The following TBKBP1 variants were observed in gnomAD, a reference collection of about 807,000 sequenced individuals.
The protein encoded by TBKBP1 is TBK1 binding protein 1.
TBKBP1 carries 47 observed loss-of-function variants against 69.9 expected under a neutral mutation model. The ratio of observed to expected loss-of-function variants is 0.67; its 90% CI spans 0.53 to 0.86. The LOEUF is 0.86. Ranked by LOEUF, TBKBP1 falls within the 40% of genes least tolerant of loss-of-function variation. The pLI is 0.00. For synonymous variants in TBKBP1, 418 were observed against 390.3 expected, an observed-to-expected ratio of 1.07 and a Z score of -0.84; for missense variants, 831 against 858.6, an observed-to-expected ratio of 0.97 and a Z score of 0.40.
At chr17:47,705,261 C>G (rs1197286472) in intron 7 of TBKBP1, among the ~76,000 whole-genome samples, 1 of 152,204 alleles carries the variant, frequency 6.6e-6, no homozygotes, top group Non-Finnish European at 1.5e-5. Flanking sequence ...AGCTCCCATC[C>G]CAGCAACTCC....
Position 47,710,839 on chromosome 17 carries a change from T to C in TBKBP1, c.*213T>C, listed in dbSNP as rs1327647018. 2 of 586,694 alleles carry C rather than the reference T, an allele frequency of 3.4e-6. No homozygotes were observed. The highest frequency in any genetic ancestry group is 5.5e-6 in the Non-Finnish European group (2 of 361,916). 36.3% of individuals were successfully genotyped at this position (586,694 alleles called of 1,614,324 possible). A position where few individuals can be genotyped will look rare whatever the true frequency, so the allele number is the denominator to read the frequency against. On this transcript the variant is annotated 3_prime_UTR_variant, in exon 10 of 10. Transcript: ENST00000578982. ...GGGAGGTCAGCCGAGGCTCCCCCCA[T>C]GCTCCTGGTTTCTGCTTAGGAGGTG... is the stretch of plus-strand genomic sequence containing the variant.
rs373085200 is a variant in TBKBP1 at position 47,697,922 on chromosome 17, C to G, written c.454-673C>G. ...CAAGATCAAGCCACTGCACTCCAGC[C>G]TGGGTGACATAGCCAGACCCTGTCT... On this transcript the variant is annotated intron_variant, in intron 4 of 9. Transcript: ENST00000578982. Among the ~76,000 whole-genome samples the G allele has an allele frequency of 2.1e-4, 29 of 140,540 alleles. No individual in the cohort carries two copies. In the East Asian group the frequency reaches 3.3e-3, roughly 16 times the overall value. 92.2% of individuals were successfully genotyped at this position (140,540 alleles called of 152,430 possible).
chr17:47,697,519 T>C (rs1007162003), intron 4 of TBKBP1, among the ~76,000 whole-genome samples: 3 of 151,874 alleles, frequency 2.0e-5, no homozygotes, highest in African/African-American at 7.3e-5. Context: ...CTGCCCTGGC[T>C]CTCACGCTGG....
At position 47,709,152 on chromosome 17, in the gene TBKBP1, C is replaced by T. The variant is rs754341251; in HGVS notation, c.1419C>T (p.Gly473=). Residue 473 remains glycine, a synonymous_variant, in exon 9 of 10, where the codon GGC becomes GGT. Coordinates refer to ENST00000578982, the MANE Select transcript of TBKBP1 (RefSeq NM_001394755.1). ...SELAEGAAYA[G]ASPPWLQAEA... is the part of the protein sequence containing the mutation. ...TGGCGGAGGGCGCGGCCTACGCGGG[C>T]GCCTCCCCGCCCTGGCTGCAGGCCG... The T allele has an allele frequency of 4.8e-5, 68 of 1,407,154 alleles. 1 individual carries two copies. The African/African-American group carries it at 8.1e-4, about 17-fold the overall frequency. 87.2% of individuals were successfully genotyped at this position (1,407,154 alleles called of 1,614,324 possible). A position where few individuals can be genotyped will look rare whatever the true frequency, so the allele number is the denominator to read the frequency against.
chr17:47,695,956 TC>T (rs1364153190), intron 1 of TBKBP1, 122 bp from the exon 2 acceptor site: 1 of 608,302 alleles, frequency 1.6e-6, no homozygotes, highest in Non-Finnish European at 2.9e-6. Context: ...CCTGCTGAGC[TC>T]GGGGCAGGAA....
At chr17:47,704,572 G>C (rs1368950893) in intron 7 of TBKBP1, among the ~76,000 whole-genome samples, 3 of 152,200 alleles carry the variant, frequency 2.0e-5, no homozygotes, top group Non-Finnish European at 4.4e-5. Flanking sequence ...TTGGATTTCT[G>C]TTTTCCTCCC....
chr17:47,696,419 CA>C, intron 2 of TBKBP1, 82 bp downstream of exon 2: 1 of 1,469,606 alleles, frequency 6.8e-7, no homozygotes. Context: ...ACCAGGGATC[CA>C]AAAGAGGGGT....
intron 4 of TBKBP1, among the ~76,000 whole-genome samples, chr17:47,697,443 G>A (rs577858330): frequency 1.3e-5 from 2 of 152,312 alleles, no homozygotes; most frequent in Admixed American, 6.5e-5. Context: ...CAGTGGCCCC[G>A]TGGGAACCTC....
rs913728935 is a variant in TBKBP1, at chr17:47,704,979, C to T, written c.873-3415C>T. On this transcript the variant is annotated intron_variant, in intron 7 of 9. Coordinates refer to ENST00000578982, the MANE Select transcript of TBKBP1 (RefSeq NM_001394755.1). ...TGCCAAGAACCTGTGTTTGAATCTG[C>T]TGTGTGCCACTGCCACTCTGTGACC... 2.6e-5 allele frequency among the ~76,000 whole-genome samples: 4 copies of T among 152,210 alleles called. No individual in the cohort carries two copies. The South Asian group carries it at 8.3e-4, about 31-fold the overall frequency.
Position 47,708,537 on chromosome 17 carries a change from G to A in TBKBP1, c.991+25G>A, listed in dbSNP as rs2031779101. The A allele has an allele frequency of 1.2e-6, 2 of 1,609,926 alleles. No individual in the cohort carries two copies. The highest frequency in any genetic ancestry group is 4.5e-5 in the East Asian group (2 of 44,834). On this transcript the variant is annotated intron_variant, in intron 8 of 9. Transcript: ENST00000578982. The surrounding 1 kb of genome is among the most constrained non-coding windows in gnomAD (Gnocchi z 4.4). ...GGTGAGATGGGGCAGGGCAGGGGGA[G>A]GCAGCCGCGGGACCCGGGAAGGAGC...
intron 7 of TBKBP1, among the ~76,000 whole-genome samples, chr17:47,701,498 A>C (rs2031503055): frequency 6.6e-6 from 1 of 152,126 alleles, no homozygotes; most frequent in Admixed American, 6.5e-5. Context: ...AATCTCCCTG[A>C]ATTGGTAGAA....
At position 47,699,300 on chromosome 17, in the gene TBKBP1, G is replaced by A. The variant is rs776978125; in HGVS notation, c.635-20G>A. ...GAGGAGGCAGCTGAGCTCGCCTGAC[G>A]TTGTCCTGTCCACCGACAGCAGGCT... On this transcript the variant is annotated intron_variant, in intron 5 of 9. Coordinates refer to ENST00000578982, the MANE Select transcript of TBKBP1 (RefSeq NM_001394755.1). 18 of 1,507,290 alleles carry A rather than the reference G, an allele frequency of 1.2e-5. No homozygotes were observed. The highest frequency in any genetic ancestry group is 9.4e-5 in the South Asian group (7 of 74,286). 93.4% of individuals were successfully genotyped at this position (1,507,290 alleles called of 1,614,324 possible).
In TBKBP1 at chr17:47,709,437, C is replaced by G. The variant is rs1328972353; in HGVS notation, c.1704C>G (p.Ser568=). Residue 568 remains serine, a synonymous_variant, in exon 9 of 10, where the codon TCC becomes TCG. Coordinates refer to ENST00000578982, the MANE Select transcript of TBKBP1 (RefSeq NM_001394755.1). The part of the protein sequence containing the change: ...TAYAHAEHAQ[S]WPSINLLMET... ...ACGCCCACGCCGAGCACGCGCAGTCCTGGCCGTCCATCAACGTGAGTGGGG... is the reference window on the plus strand; with the variant it reads ...ACGCCCACGCCGAGCACGCGCAGTCGTGGCCGTCCATCAACGTGAGTGGGG... The G allele has an allele frequency of 1.3e-6, 2 of 1,533,822 alleles. No individual in the cohort carries two copies. Among genetic ancestry groups the G allele is most frequent in the Non-Finnish European group, 8.7e-7 (1 of 1,148,514 alleles).
intron 7 of TBKBP1, among the ~76,000 whole-genome samples, chr17:47,706,876 C>T (rs2031721754): frequency 6.6e-6 from 1 of 152,028 alleles, no homozygotes; most frequent in African/African-American, 2.4e-5. Flanking sequence ...CACACGCACA[C>T]ACCCCTACGC....
intron 7 of TBKBP1, among the ~76,000 whole-genome samples, chr17:47,700,094 C>T (rs1030385074): frequency 1.5e-4 from 23 of 151,248 alleles, no homozygotes; most frequent in Admixed American, 1.3e-3. Context: ...TCACGCCATT[C>T]TCCTGCCTCA....
chr17:47,695,863 G>A (rs1380722202), intron 1 of TBKBP1: 4 of 431,276 alleles, frequency 9.3e-6, no homozygotes, highest in Non-Finnish European at 1.7e-5. Context: ...CTGGCAGCGG[G>A]GTCTTCACCT....
intron 4 of TBKBP1, 128 bp downstream of exon 4, chr17:47,697,321 G>T: frequency 1.3e-6 from 1 of 791,802 alleles, no homozygotes; most frequent in African/African-American, 1.7e-5. Context: ...CACATCACTT[G>T]TTTGTGCCCT....
chr17:47,698,658 CAAGGCCTCCAGG>C lies in TBKBP1; in HGVS notation c.519_530del (p.Gln173_Asp177delinsHis). ...TTTGGAGCAGCAGCTGCGGCAACAG[CAAGGCCTCCAGG>C]ATGCAGCCTTCTCCAACCTGAGCCC... On this transcript the variant is annotated inframe_deletion, in exon 5 of 10. Transcript: ENST00000578982. The C allele has an allele frequency of 2.5e-6, 4 of 1,602,910 alleles. No homozygotes were observed. The highest frequency in any genetic ancestry group is 3.4e-6 in the Non-Finnish European group (4 of 1,174,978).
At position 47,699,483 on chromosome 17, in the gene TBKBP1, G is replaced by C; in HGVS notation, c.798G>C (p.Glu266Asp). ...AGGGGGAGCTGAAGCAGCTGCAGGA[G>C]ACCCGGGCCCAGGTAAATGCAGGGG... Reference protein sequence around the residue: ...RLQGELKQLQETRAQDLASNQ... With the variant: ...RLQGELKQLQDTRAQDLASNQ... The change falls in exon 6 of 10, where the codon GAG becomes GAC. Residue 266 changes from glutamate (E) to aspartate (D), a missense_variant. Glu to Asp is a conservative substitution (Grantham distance 45). Transcript: ENST00000578982. 6.3e-7 allele frequency: 1 copy of C among 1,578,842 alleles called. No homozygotes were observed. Among genetic ancestry groups the C allele is most frequent in the South Asian group, 1.1e-5 (1 of 87,360 alleles).
Sources: gnomAD v4.1 joint callset for allele counts (sites outside exome capture counted in the v4.1 genomes callset) on GRCh38, gnomAD v4.1.1 for gene constraint, Gnocchi (gnomAD v3.1) non-coding constraint, MANE v1.5 for transcripts, NCBI Gene and HGNC (gene_info 2026-07-23, HGNC 2026-07-21) for gene names.